MRPS27: variants seen among roughly 807,000 people sequenced by gnomAD.
MRPS27 encodes small ribosomal subunit protein mS27.
Under a neutral mutation model 48.9 loss-of-function variants are expected in MRPS27, and 43 were observed. The observed-to-expected ratio is 0.88, with a 90% CI of 0.69 to 1.13. MRPS27 has a LOEUF of 1.13. MRPS27 is among the 50% of genes most tolerant of loss of function. The pLI is 0.00. For synonymous variants in MRPS27, 188 were observed against 171.9 expected, an observed-to-expected ratio of 1.09 and a Z score of -0.73; for missense variants, 467 against 476.3, an observed-to-expected ratio of 0.98 and a Z score of 0.18.
At chr5:72,314,010 A>C in intron 2 of MRPS27, 71 bp downstream of exon 2, 3 of 1,080,272 alleles carry the variant, frequency 2.8e-6, no homozygotes, top group Non-Finnish European at 4.2e-6. Flanking sequence ...TATATACGTT[A>C]TATGAATAAA....
At chr5:72,248,932 G>A (rs778861143) in intron 4 of MRPS27, among the ~76,000 whole-genome samples, 4 of 152,170 alleles carry the variant, frequency 2.6e-5, no homozygotes, top group Non-Finnish European at 5.9e-5. Context: ...TGCCTCCCTA[G>A]TTTCTTAAAC....
chr5:72,278,967 A>G (rs1269554265), intron 4 of MRPS27, among the ~76,000 whole-genome samples: 3 of 152,186 alleles, frequency 2.0e-5, no homozygotes, highest in Non-Finnish European at 4.4e-5. Context: ...TTATAACTTA[A>G]TCCTTATACA....
intron 4 of MRPS27, among the ~76,000 whole-genome samples, chr5:72,273,118 T>TA (rs551236394): frequency 1.7e-4 from 26 of 152,252 alleles, no homozygotes; most frequent in African/African-American, 6.3e-4. Context: ...ATTCAAGTCT[T>TA]ATCTCATCCC....
At chr5:72,307,029 C>T (rs893924554) in intron 2 of MRPS27, among the ~76,000 whole-genome samples, 7 of 152,052 alleles carry the variant, frequency 4.6e-5, no homozygotes, top group South Asian at 2.1e-4. Flanking sequence ...CCTGATTCAA[C>T]CAAATCATAA....
chr5:72,247,004 T>C (rs903985854), intron 4 of MRPS27, among the ~76,000 whole-genome samples: 21 of 152,226 alleles, frequency 1.4e-4, no homozygotes, highest in African/African-American at 4.8e-4. Flanking sequence ...AGTTCTGGAA[T>C]TGCCCTGAAC....
rs368676595 is a variant in MRPS27 at position 72,220,966 on chromosome 5, C to G, written c.1188G>C (p.Gln396His). The change falls in exon 11 of 11, where the codon CAG becomes CAC. Residue 396 changes from glutamine (Q) to histidine (H), a missense_variant. By Grantham distance (24) the Gln-to-His change is conservative. Coordinates refer to ENST00000261413, the MANE Select transcript of MRPS27 (RefSeq NM_015084.3). ...GGTACTCCTGCTTCGCTTGCTCCCT[C>G]TGTTGCTGTTCTCTCTGGATCAACT... is the stretch of plus-strand genomic sequence containing the variant. The part of the protein sequence containing the change: ...LVQLIQREQQ[Q>H]REQAKQEYQA... 8 of 1,614,082 alleles carry G rather than the reference C, an allele frequency of 5.0e-6. No homozygotes were observed. Among genetic ancestry groups the G allele is most frequent in the Non-Finnish European group, 6.8e-6 (8 of 1,180,022 alleles).
At chr5:72,243,856 T>C (rs1221273768) in intron 4 of MRPS27, among the ~76,000 whole-genome samples, 12 of 152,268 alleles carry the variant, frequency 7.9e-5, no homozygotes, top group African/African-American at 1.9e-4. Flanking sequence ...TTTACAGTTC[T>C]ATGAATTTTG....
Position 72,220,984 on chromosome 5 carries a change from G to T in MRPS27, c.1170C>A (p.Ile390=). 1.2e-6 allele frequency: 2 copies of T among 1,614,126 alleles called. No homozygotes were observed. Among genetic ancestry groups the T allele is most frequent in the Non-Finnish European group, 1.7e-6 (2 of 1,180,014 alleles). The part of the protein sequence containing the change: ...QQWHLDLVQL[I]QREQQQREQA... ...GCTCCCTCTGTTGCTGTTCTCTCTG[G>T]ATCAACTGTACAAGGTCTAGATGCC... The change falls in exon 11 of 11, where the codon ATC becomes ATA. Residue 390 remains isoleucine, a synonymous_variant. Transcript: ENST00000261413.
chr5:72,241,553 G>T, intron 4 of MRPS27: 2 of 1,229,686 alleles, frequency 1.6e-6, no homozygotes, highest in Non-Finnish European at 2.3e-6. Context: ...TCCTGTTGGT[G>T]ACTTTTTAAG....
At chr5:72,280,483 A>G (rs954010486) in intron 4 of MRPS27, among the ~76,000 whole-genome samples, 21 of 152,328 alleles carry the variant, frequency 1.4e-4, no homozygotes, top group African/African-American at 4.8e-4. Context: ...AAAAATGTAT[A>G]TTTCATTCTA....
intron 6 of MRPS27, among the ~76,000 whole-genome samples, chr5:72,233,606 T>C (rs1227200038): frequency 6.6e-6 from 1 of 152,166 alleles, no homozygotes; most frequent in Non-Finnish European, 1.5e-5. Context: ...TTCTATGTTC[T>C]TTTTGCAAAT....
At chr5:72,301,496 C>G (rs1401858955) in intron 2 of MRPS27, among the ~76,000 whole-genome samples, 1 of 152,162 alleles carries the variant, frequency 6.6e-6, no homozygotes, top group Non-Finnish European at 1.5e-5. Context: ...CTTAAAATAG[C>G]AAGATCAGGA....
chr5:72,233,519 T>C (rs980566985), intron 6 of MRPS27, among the ~76,000 whole-genome samples: 1 of 152,136 alleles, frequency 6.6e-6, no homozygotes, highest in Admixed American at 6.6e-5. Context: ...AACTATAAAA[T>C]AGCACTGATT....
chr5:72,261,979 G>A (rs1748991988), intron 4 of MRPS27, among the ~76,000 whole-genome samples: 1 of 152,138 alleles, frequency 6.6e-6, no homozygotes, highest in Non-Finnish European at 1.5e-5. Context: ...AACTGTGGCA[G>A]GATAAATGCA....
chr5:72,270,956 T>C (rs1043485366), intron 4 of MRPS27, among the ~76,000 whole-genome samples: 4 of 152,156 alleles, frequency 2.6e-5, no homozygotes, highest in African/African-American at 9.7e-5. Flanking sequence ...GATTGAAAAC[T>C]CTTAGAAAAC....
At chr5:72,260,505 T>G (rs1748936026) in intron 4 of MRPS27, among the ~76,000 whole-genome samples, 1 of 152,252 alleles carries the variant, frequency 6.6e-6, no homozygotes, top group Admixed American at 6.5e-5. Context: ...TGCTACGGTC[T>G]AAGTCAAACA....
intron 4 of MRPS27, among the ~76,000 whole-genome samples, chr5:72,254,646 CATAGCAAT>C (rs1389584913): frequency 6.6e-6 from 1 of 152,108 alleles, no homozygotes; most frequent in Non-Finnish European, 1.5e-5. Flanking sequence ...TCTTCATTCC[CATAGCAAT>C]ATAGCACATA....
chr5:72,247,973 G>C (rs993985390), intron 4 of MRPS27, among the ~76,000 whole-genome samples: 1 of 152,158 alleles, frequency 6.6e-6, no homozygotes, highest in East Asian at 1.9e-4. Flanking sequence ...TTATTTGTGA[G>C]TCCAATTGGT....
At chr5:72,245,581 GA>G (rs1287192765) in intron 4 of MRPS27, among the ~76,000 whole-genome samples, 2 of 151,252 alleles carry the variant, frequency 1.3e-5, no homozygotes, top group Admixed American at 6.6e-5. Context: ...AGGTGAGAAA[GA>G]AAAAAAAGGA....
Sources: gnomAD v4.1 joint callset for allele counts (sites outside exome capture counted in the v4.1 genomes callset) on GRCh38, gnomAD v4.1.1 for gene constraint, MANE v1.5 for transcripts, NCBI Gene and HGNC (gene_info 2026-07-23, HGNC 2026-07-21) for gene names.